The following PINX1 variants were observed in gnomAD, a reference collection of about 807,000 sequenced individuals.
PINX1 encodes PIN2 (TERF1) interacting telomerase inhibitor 1, also known as PIN2/TERF1-interacting telomerase inhibitor 1.
PINX1 carries 34 observed loss-of-function variants against 25.4 expected under a neutral mutation model. The observed-to-expected ratio is 1.34, with a 90% CI of 1.02 to 1.78. PINX1 has a LOEUF of 1.78. Among genes scored for constraint, PINX1 ranks in the 40% most tolerant of loss-of-function variants. The probability of loss-of-function intolerance (pLI) is 0.00; values close to 1 mark genes in which losing one functional copy is unlikely to be tolerated. For missense variants in PINX1, 592 were observed against 404.9 expected (o/e 1.46, Z -3.97); for synonymous variants, 197 against 147.7 (o/e 1.33, Z -2.42).
At chr8:10,826,929 T>C (rs1269659173) in intron 4 of PINX1, among the ~76,000 whole-genome samples, 2 of 152,234 alleles carry the variant, frequency 1.3e-5, no homozygotes, top group Non-Finnish European at 2.9e-5. Context: ...TTGTGGTTGC[T>C]GCATGAATCT....
At chr8:10,787,234 T>G (rs1017115500) in intron 6 of PINX1, among the ~76,000 whole-genome samples, 4 of 151,806 alleles carry the variant, frequency 2.6e-5, no homozygotes, top group Non-Finnish European at 4.4e-5. Flanking sequence ...CGTTTGTTTG[T>G]TTTTTTTCCA....
At chr8:10,787,833 GA>G (rs1563210153) in intron 6 of PINX1, 1 of 454,484 alleles carries the variant, frequency 2.2e-6, no homozygotes, top group Admixed American at 2.4e-5. Flanking sequence ...AAACTGCAAA[GA>G]AAAAAGAGAG....
rs1336355254 is a variant in PINX1, at chr8:10,765,412, CTTTCTTCTTCTTCTTTTTCACTAGCG to C, written c.950_975del (p.Thr317ArgfsTer28). ...CGGCTGGGAAGGATTCATTTGGAAT[CTTTCTTCTTCTTCTTTTTCACTAGCG>C]TTTCTTCTAGTGTAGCGTCCTCTGC... On this transcript the variant is annotated frameshift_variant, in exon 7 of 7. Coordinates refer to ENST00000314787, the MANE Select transcript of PINX1 (RefSeq NM_017884.6). LOFTEE classifies it high-confidence loss of function. 3.1e-6 allele frequency: 5 copies of C among 1,601,916 alleles called. No individual in the cohort carries two copies. The highest frequency in any genetic ancestry group is 3.4e-6 in the Non-Finnish European group (4 of 1,176,488).
rs375581032 is a variant in PINX1 at position 10,765,851 on chromosome 8, C to G, written c.537G>C (p.Gln179His). 38 of 1,613,970 alleles carry G rather than the reference C, an allele frequency of 2.4e-5. No homozygotes were observed. In the African/African-American group the frequency reaches 4.4e-4, roughly 19 times the overall value. Residue 179 changes from glutamine (Q) to histidine (H), a missense_variant, in exon 7 of 7, where the codon CAG becomes CAC. Gln to His is a conservative substitution (Grantham distance 24). Transcript: ENST00000314787. ...CTGCCATCCGCTTGGCAAAGTACTC[C>G]TGGATGGTGAAGGCGCTGGTTGTCG... Reference protein sequence around the residue: ...ETTTTSAFTIQEYFAKRMAAL... With the variant: ...ETTTTSAFTIHEYFAKRMAAL...
intron 1 of PINX1, among the ~76,000 whole-genome samples, chr8:10,837,885 A>C (rs1798450733): frequency 6.6e-6 from 1 of 152,218 alleles, no homozygotes; most frequent in Non-Finnish European, 1.5e-5. Flanking sequence ...AGGCCTCCGT[A>C]CTTGAGTCCT....
At chr8:10,768,227 C>T (rs1405639324) in intron 6 of PINX1, among the ~76,000 whole-genome samples, 1 of 152,242 alleles carries the variant, frequency 6.6e-6, no homozygotes. Flanking sequence ...CGCAGCACTA[C>T]AGGAGCCTGC....
At chr8:10,832,548 A>G (rs1472165098) in intron 3 of PINX1, among the ~76,000 whole-genome samples, 2 of 152,238 alleles carry the variant, frequency 1.3e-5, no homozygotes, top group Admixed American at 6.5e-5. Context: ...AGCTCCGCCA[A>G]TCCACTACTC....
intron 6 of PINX1, among the ~76,000 whole-genome samples, chr8:10,818,688 G>T (rs1002964181): frequency 2.0e-5 from 3 of 152,136 alleles, no homozygotes; most frequent in Admixed American, 6.5e-5. Context: ...GGGGAGATGG[G>T]GGTTATCTCA....
chr8:10,778,857 C>A (rs189309011), intron 6 of PINX1, among the ~76,000 whole-genome samples: 1 of 152,090 alleles, frequency 6.6e-6, no homozygotes, highest in East Asian at 1.9e-4. Flanking sequence ...CCAGATTGTC[C>A]AAGAGGGTGG....
chr8:10,827,310 C>T (rs182190038), intron 4 of PINX1, among the ~76,000 whole-genome samples: 39 of 152,164 alleles, frequency 2.6e-4, no homozygotes, highest in African/African-American at 8.4e-4. Context: ...TTCAGGGTTT[C>T]GGGAAGGACA....
intron 6 of PINX1, among the ~76,000 whole-genome samples, chr8:10,792,010 C>G (rs956425668): frequency 1.3e-5 from 2 of 152,152 alleles, no homozygotes; most frequent in Non-Finnish European, 2.9e-5. Context: ...TCCGTGCTGG[C>G]CAGGACCGCC....
intron 6 of PINX1, among the ~76,000 whole-genome samples, chr8:10,776,306 T>A (rs1801392064): frequency 6.6e-6 from 1 of 152,020 alleles, no homozygotes; most frequent in African/African-American, 2.4e-5. Context: ...CAGCCTGTAA[T>A]CCCAGCTACT....
chr8:10,788,909 C>T (rs1475257447), intron 6 of PINX1, among the ~76,000 whole-genome samples: 3 of 151,476 alleles, frequency 2.0e-5, no homozygotes, highest in African/African-American at 7.3e-5. Context: ...AGTCACAATT[C>T]CTCTCCCTGG....
intron 6 of PINX1, among the ~76,000 whole-genome samples, chr8:10,816,460 T>C (rs573261785): frequency 6.6e-6 from 1 of 152,336 alleles, no homozygotes; most frequent in African/African-American, 2.4e-5. Flanking sequence ...ACACAACATC[T>C]ATGCTCCAGA....
intron 6 of PINX1, among the ~76,000 whole-genome samples, chr8:10,816,464 C>T (rs1260485861): frequency 6.6e-6 from 1 of 152,246 alleles, no homozygotes; most frequent in East Asian, 1.9e-4. Flanking sequence ...AACATCTATG[C>T]TCCAGATGCT....
intron 6 of PINX1, among the ~76,000 whole-genome samples, chr8:10,810,061 C>G (rs1802579444): frequency 1.3e-5 from 2 of 152,142 alleles, no homozygotes; most frequent in Admixed American, 6.5e-5. Context: ...CTTAAACAAC[C>G]AGGTCTCGTG....
intron 6 of PINX1, among the ~76,000 whole-genome samples, chr8:10,776,401 G>C (rs989538523): frequency 6.6e-6 from 1 of 150,536 alleles, no homozygotes; most frequent in Non-Finnish European, 1.5e-5. Context: ...CTCCGGCCTG[G>C]GTAACAGAGT....
intron 6 of PINX1, among the ~76,000 whole-genome samples, chr8:10,793,369 G>C (rs1801983776): frequency 6.6e-6 from 1 of 152,162 alleles, no homozygotes; most frequent in Admixed American, 6.5e-5. Context: ...CAATCTTTTG[G>C]CTTCCCAGGG....
At chr8:10,832,273 A>G (rs767049473) in intron 3 of PINX1, among the ~76,000 whole-genome samples, 13 of 152,172 alleles carry the variant, frequency 8.5e-5, no homozygotes, top group African/African-American at 2.7e-4. Flanking sequence ...TGGTTACCTA[A>G]TAAGTTTATT....
Sources: allele counts gnomAD v4.1 joint callset (sites outside exome capture counted in the v4.1 genomes callset), GRCh38; gene constraint gnomAD v4.1.1; transcripts MANE v1.5; gene names NCBI Gene and HGNC (gene_info 2026-07-23, HGNC 2026-07-21).